SORL1-AS1: variants seen among roughly 807,000 people sequenced by gnomAD.
SORL1-AS1 encodes the protein SORL1 antisense RNA 1.
intron 1 of SORL1-AS1, among the ~76,000 whole-genome samples, chr11:121,451,932 A>G (rs1484775888): frequency 6.6e-6 from 1 of 152,088 alleles, no homozygotes; most frequent in Non-Finnish European, 1.5e-5. Flanking sequence ...ATAGGACGCA[A>G]CTAACTCCAG....
At chr11:121,442,423 T>A (rs368343918), downstream of SORL1-AS1, among the ~76,000 whole-genome samples, 3 of 152,002 alleles carry the variant, frequency 2.0e-5, no homozygotes, top group East Asian at 5.9e-4. Flanking sequence ...CTGTTTGAGG[T>A]CAGGAGTTCG....
downstream of SORL1-AS1, among the ~76,000 whole-genome samples, chr11:121,445,309 A>G (rs1203842817): frequency 6.6e-6 from 1 of 152,204 alleles, no homozygotes; most frequent in East Asian, 1.9e-4. Context: ...GAGCTGTAGC[A>G]GGAGATGGGC....
Position 121,452,607 on chromosome 11 carries a change from G to A in SORL1-AS1, n.339+68C>T. 4 of 1,502,180 alleles carry A rather than the reference G, an allele frequency of 2.7e-6. No homozygotes were observed. The highest frequency in any genetic ancestry group is 3.5e-6 in the Non-Finnish European group (4 of 1,131,970). 93.1% of individuals were successfully genotyped at this position (1,502,180 alleles called of 1,614,324 possible). A position where few individuals can be genotyped will look rare whatever the true frequency, so the allele number is the denominator to read the frequency against. On this transcript the variant is annotated intron_variant and non_coding_transcript_variant, in intron 1 of 1. Coordinates refer to ENST00000501964, the Ensembl canonical transcript of SORL1-AS1. The surrounding 1 kb of genome is among the most constrained non-coding windows in gnomAD (Gnocchi z 5.3). ...CCCTGCAGCCCGAGCCCATCAAGGT[G>A]TACGGACAGGTGAGCAGTTTTGCAA...
chr11:121,441,007 A>G, the SORL1-AS1 span, among the ~76,000 whole-genome samples: 1 of 152,156 alleles, frequency 6.6e-6, no homozygotes, highest in Non-Finnish European at 1.5e-5. Context: ...TTCTGCCCCT[A>G]CTGGTTGCAG....
Position 121,452,440 on chromosome 11 carries a change from G to T in SORL1-AS1, n.339+235C>A. 4 of 1,500,466 alleles carry T rather than the reference G, an allele frequency of 2.7e-6. No individual in the cohort carries two copies. The highest frequency in any genetic ancestry group is 3.5e-6 in the Non-Finnish European group (4 of 1,128,618). The allele number at this position is 1,500,466 out of a possible 1,614,324, so 92.9% of individuals were successfully genotyped here. A position where few individuals can be genotyped will look rare whatever the true frequency, so the allele number is the denominator to read the frequency against. On this transcript the variant is annotated intron_variant and non_coding_transcript_variant, in intron 1 of 1. Coordinates refer to ENST00000501964, the Ensembl canonical transcript of SORL1-AS1. This position sits in a 1 kb window ranked among gnomAD's most constrained non-coding sequence, Gnocchi z 5.3. ...CGAAGTCTGGACGCAGAGGCTGCAC[G>T]GCGGCAGCGCGCCCTTGCCCCAGGA...
chr11:121,442,823 C>T (rs1192662942), downstream of SORL1-AS1, among the ~76,000 whole-genome samples: 14 of 150,446 alleles, frequency 9.3e-5, no homozygotes, highest in Non-Finnish European at 1.5e-4. Flanking sequence ...GGACTACAGG[C>T]GCCCACCACC....
rs1860771385 is a variant in SORL1-AS1 at position 121,450,206 on chromosome 11, G to A, written n.340-307C>T. On this transcript the variant is annotated intron_variant and non_coding_transcript_variant, in intron 1 of 1. Coordinates refer to ENST00000501964, the Ensembl canonical transcript of SORL1-AS1. This position sits in a 1 kb window ranked among gnomAD's most constrained non-coding sequence, Gnocchi z 5.2. ...AGAAGGTTCTCATTAAATATATGTT[G>A]GAAAAACCCCAATAATTGAATCATC... 6.6e-6 allele frequency among the ~76,000 whole-genome samples: 1 copy of A among 152,120 alleles called. No individual in the cohort carries two copies. The highest frequency in any genetic ancestry group is 1.5e-5 in the Non-Finnish European group (1 of 68,020).
downstream of SORL1-AS1, among the ~76,000 whole-genome samples, chr11:121,442,855 T>C (rs555656523): frequency 4.0e-5 from 6 of 150,250 alleles, no homozygotes; most frequent in South Asian, 4.2e-4. Flanking sequence ...ATTTTTTGTA[T>C]TTTTAGTAGA....
At chr11:121,438,370 A>G in the SORL1-AS1 span, among the ~76,000 whole-genome samples, 1 of 152,352 alleles carries the variant, frequency 6.6e-6, no homozygotes, top group South Asian at 2.1e-4. Flanking sequence ...TAATTTGATT[A>G]AACTTAATTG....
downstream of SORL1-AS1, among the ~76,000 whole-genome samples, chr11:121,443,766 T>G (rs1419706132): frequency 2.0e-5 from 3 of 152,202 alleles, no homozygotes; most frequent in Non-Finnish European, 4.4e-5. Context: ...TATTAGTTAT[T>G]ATTTTTCATT....
At chr11:121,441,530 C>CAAAAAAAAAAAAAAAAAA in the SORL1-AS1 span, among the ~76,000 whole-genome samples, 36 of 52,350 alleles carry the variant, frequency 6.9e-4, no homozygotes, top group African/African-American at 1.1e-3. Context: ...GACTCTGTCT[C>CAAAAAAAAAAAAAAAAAA]AAAAAAAAAA....
exon 2 of SORL1-AS1, chr11:121,449,709 C>A (rs1417807755): frequency 6.6e-6 from 1 of 152,220 alleles, no homozygotes; most frequent in Non-Finnish European, 1.5e-5. Flanking sequence ...ATCTGATACT[C>A]TCAGCAGTCC....
chr11:121,441,003 C>G, the SORL1-AS1 span, among the ~76,000 whole-genome samples: 5 of 152,076 alleles, frequency 3.3e-5, no homozygotes, highest in Non-Finnish European at 5.9e-5. Flanking sequence ...CTTTTTCTGC[C>G]CCTACTGGTT....
rs1284105865 is a variant in SORL1-AS1 at position 121,450,308 on chromosome 11, G to T, written n.340-409C>A. ...AAATGGGAGTAGAGATATCTTTGCT[G>T]CTGGTCCTGAGAGACCATGGGGTTG... On this transcript the variant is annotated intron_variant and non_coding_transcript_variant, in intron 1 of 1. Coordinates refer to ENST00000501964, the Ensembl canonical transcript of SORL1-AS1. This position sits in a 1 kb window ranked among gnomAD's most constrained non-coding sequence, Gnocchi z 5.2. 6.6e-6 allele frequency among the ~76,000 whole-genome samples: 1 copy of T among 152,164 alleles called. No individual in the cohort carries two copies. The highest frequency in any genetic ancestry group is 1.5e-5 in the Non-Finnish European group (1 of 68,036).
the SORL1-AS1 span, among the ~76,000 whole-genome samples, chr11:121,438,545 T>G: frequency 6.6e-6 from 1 of 152,052 alleles, no homozygotes; most frequent in Non-Finnish European, 1.5e-5. Flanking sequence ...AGTCGTTCAT[T>G]GTGTGTACTC....
chr11:121,443,632 A>T (rs988046051), downstream of SORL1-AS1, among the ~76,000 whole-genome samples: 1 of 152,242 alleles, frequency 6.6e-6, no homozygotes, highest in Non-Finnish European at 1.5e-5. Flanking sequence ...CTTCATCAGA[A>T]ATCCATGCTC....
the SORL1-AS1 span, among the ~76,000 whole-genome samples, chr11:121,439,944 C>A: frequency 6.6e-6 from 1 of 152,176 alleles, no homozygotes; most frequent in Non-Finnish European, 1.5e-5. Flanking sequence ...GTCTAGGAGG[C>A]CCCTAGTGGA....
exon 2 of SORL1-AS1, chr11:121,449,695 C>G (rs536994062): frequency 4.7e-4 from 71 of 152,330 alleles, no homozygotes; most frequent in African/African-American, 1.7e-3. Flanking sequence ...TATATACTTA[C>G]CTCATCTGAT....
At chr11:121,449,283 A>G (rs1860760493) in exon 2 of SORL1-AS1, 1 of 152,244 alleles carries the variant, frequency 6.6e-6, no homozygotes, top group African/African-American at 2.4e-5. Context: ...GATGGGACAG[A>G]GGGGGATATG....
Sources: gnomAD v4.1 joint callset for allele counts (sites outside exome capture counted in the v4.1 genomes callset) on GRCh38, gnomAD v4.1.1 for gene constraint, Gnocchi (gnomAD v3.1) non-coding constraint, MANE v1.5 for transcripts, NCBI Gene and HGNC (gene_info 2026-07-23, HGNC 2026-07-21) for gene names.